The following TAFA4 variants were observed in gnomAD, a reference collection of about 807,000 sequenced individuals.
TAFA4 encodes the protein chemokine-like protein TAFA-4.
A neutral mutation model predicts 21.1 loss-of-function variants in TAFA4; 20 were observed. The observed-to-expected ratio is 0.95, with a 90% CI of 0.67 to 1.38. The LOEUF (loss-of-function observed/expected upper bound fraction) is 1.38, where lower values mean the gene tolerates loss of function less well. Among genes scored for constraint, TAFA4 ranks in the 40% most tolerant of loss-of-function variants. The pLI, the probability that TAFA4 is intolerant of heterozygous loss-of-function variation, is 0.00. For synonymous variants in TAFA4, 71 were observed against 67.4 expected, an observed-to-expected ratio of 1.05 and a Z score of -0.26; for missense variants, 211 against 180.9, an observed-to-expected ratio of 1.17 and a Z score of -0.95.
chr3:68,919,700 A>G (rs1485964051), intron 1 of TAFA4, among the ~76,000 whole-genome samples: 1 of 152,224 alleles, frequency 6.6e-6, no homozygotes, highest in East Asian at 1.9e-4. Flanking sequence ...AGTTTGGAAC[A>G]TTTCCACCAT....
intron 4 of TAFA4, among the ~76,000 whole-genome samples, chr3:68,748,907 G>C (rs988315723): frequency 6.6e-6 from 1 of 152,148 alleles, no homozygotes; most frequent in Non-Finnish European, 1.5e-5. Context: ...CTACACATTT[G>C]TCTCATTTTA....
At chr3:68,805,079 T>C (rs1292597587) in intron 3 of TAFA4, among the ~76,000 whole-genome samples, 1 of 152,068 alleles carries the variant, frequency 6.6e-6, no homozygotes, top group African/African-American at 2.4e-5. Flanking sequence ...ATATCCAGAA[T>C]CTACAATGAA....
rs186729022 is a variant in TAFA4 at position 68,928,947 on chromosome 3, G to C, written c.-123+3293C>G. Among the ~76,000 whole-genome samples, 5 of 150,372 alleles carry C rather than the reference G, an allele frequency of 3.3e-5. No individual in the cohort carries two copies. In the East Asian group the frequency reaches 9.7e-4, roughly 29 times the overall value. On this transcript the variant is annotated intron_variant, in intron 1 of 5. Coordinates refer to ENST00000295569, the MANE Select transcript of TAFA4 (RefSeq NM_182522.5). ...GTACTTTCTAGATTTAAAATTCTTT[G>C]AGCGTTTCCTTAAACCAGATTTTAC...
intron 3 of TAFA4, among the ~76,000 whole-genome samples, chr3:68,811,107 G>C (rs1703827098): frequency 6.6e-6 from 1 of 152,174 alleles, no homozygotes; most frequent in Non-Finnish European, 1.5e-5. Context: ...CTGCAGCTGA[G>C]GGTCCTGACT....
intron 3 of TAFA4, among the ~76,000 whole-genome samples, chr3:68,825,174 G>A (rs1001570862): frequency 1.3e-5 from 2 of 152,086 alleles, no homozygotes; most frequent in Admixed American, 1.3e-4. Context: ...ACCTCCCTGT[G>A]TCCATCTCTT....
intron 3 of TAFA4, among the ~76,000 whole-genome samples, chr3:68,857,264 A>G (rs538533955): frequency 6.6e-6 from 1 of 152,324 alleles, no homozygotes; most frequent in African/African-American, 2.4e-5. Flanking sequence ...AATGTTAAAT[A>G]CTGCAGCATG....
At chr3:68,741,117 T>A (rs967045626) in intron 4 of TAFA4, among the ~76,000 whole-genome samples, 1 of 152,242 alleles carries the variant, frequency 6.6e-6, no homozygotes, top group African/African-American at 2.4e-5. Context: ...AAAATTGCTT[T>A]AGCTATTTGG....
chr3:68,775,639 G>C (rs1267200307), intron 3 of TAFA4, among the ~76,000 whole-genome samples: 1 of 152,114 alleles, frequency 6.6e-6, no homozygotes, highest in South Asian at 2.1e-4. Flanking sequence ...GGTGAAGCAG[G>C]AAATCTTAAA....
chr3:68,908,139 G>C (rs554834960), intron 1 of TAFA4, among the ~76,000 whole-genome samples: 1 of 152,182 alleles, frequency 6.6e-6, no homozygotes, highest in African/African-American at 2.4e-5. Context: ...TAGGCTGGAC[G>C]TAATGAAAAT....
chr3:68,792,462 C>T (rs1703379628), intron 3 of TAFA4, among the ~76,000 whole-genome samples: 1 of 152,032 alleles, frequency 6.6e-6, no homozygotes, highest in African/African-American at 2.4e-5. Context: ...TTAAAAGCTT[C>T]CCCAGTATCT....
chr3:68,923,849 A>T (rs1339242287), intron 1 of TAFA4, among the ~76,000 whole-genome samples: 1 of 152,122 alleles, frequency 6.6e-6, no homozygotes, highest in Non-Finnish European at 1.5e-5. Context: ...ATAATCTACT[A>T]AGAGTTGTGT....
At chr3:68,746,174 A>G (rs930094362) in intron 4 of TAFA4, among the ~76,000 whole-genome samples, 20 of 152,086 alleles carry the variant, frequency 1.3e-4, no homozygotes, top group African/African-American at 4.6e-4. Context: ...GCCTTCAGCC[A>G]TGGGCTGAAG....
rs529364413 is a variant in TAFA4, at chr3:68,738,207, C to A, written c.411+868G>T. On this transcript the variant is annotated intron_variant, in intron 5 of 5. Transcript: ENST00000295569. The stretch of plus-strand genomic sequence containing the variant: ...AACATATTCTATGAAGAGGGAACAG[C>A]CCATGCCAAAGGACCAGGGTAAGAG... Among the ~76,000 whole-genome samples the A allele has an allele frequency of 1.6e-4, 25 of 152,224 alleles. No homozygotes were observed. The South Asian group carries it at 4.6e-3, about 28-fold the overall frequency.
chr3:68,752,202 C>A (rs928486097), intron 4 of TAFA4, among the ~76,000 whole-genome samples: 5 of 152,176 alleles, frequency 3.3e-5, no homozygotes, highest in Non-Finnish European at 7.3e-5. Context: ...ACAGGACTAA[C>A]CCCATGTATT....
chr3:68,896,033 A>G (rs918946557), intron 1 of TAFA4, among the ~76,000 whole-genome samples: 2 of 152,144 alleles, frequency 1.3e-5, no homozygotes, highest in Non-Finnish European at 2.9e-5. Flanking sequence ...AGGTAAATAG[A>G]CAGCACAAAG....
intron 3 of TAFA4, among the ~76,000 whole-genome samples, chr3:68,858,314 T>C (rs1279347872): frequency 6.6e-6 from 1 of 152,100 alleles, no homozygotes; most frequent in East Asian, 1.9e-4. Context: ...AACAGAATAG[T>C]ATCCATCAGC....
At chr3:68,736,755 T>C (rs1164574735) in intron 5 of TAFA4, among the ~76,000 whole-genome samples, 9 of 152,138 alleles carry the variant, frequency 5.9e-5, no homozygotes, top group Admixed American at 2.6e-4. Context: ...GAATTTACTC[T>C]ATGTGCATAA....
intron 3 of TAFA4, among the ~76,000 whole-genome samples, chr3:68,829,787 G>C (rs564848000): frequency 6.6e-6 from 1 of 152,284 alleles, no homozygotes; most frequent in Admixed American, 6.5e-5. Flanking sequence ...TTGTACCTCT[G>C]GTAGAATTCA....
intron 1 of TAFA4, among the ~76,000 whole-genome samples, chr3:68,904,601 T>C (rs2089879925): frequency 6.6e-6 from 1 of 152,148 alleles, no homozygotes; most frequent in Non-Finnish European, 1.5e-5. Context: ...GGGTAGGTTT[T>C]CCCCAAAGCA....
Sources: allele counts gnomAD v4.1 joint callset (sites outside exome capture counted in the v4.1 genomes callset), GRCh38; gene constraint gnomAD v4.1.1; transcripts MANE v1.5; gene names NCBI Gene and HGNC (gene_info 2026-07-23, HGNC 2026-07-21).